ADAMTS9: variants seen among roughly 807,000 people sequenced by gnomAD.
ADAMTS9 encodes ADAM metallopeptidase with thrombospondin type 1 motif 9.
A neutral mutation model predicts 257.1 loss-of-function variants in ADAMTS9; 107 were observed. The ratio of observed to expected loss-of-function variants is 0.42; its 90% CI spans 0.36 to 0.49. The LOEUF is 0.49. ADAMTS9 is among the 20% of genes least tolerant of loss of function. The probability of loss-of-function intolerance (pLI) is 0.03; values close to 1 mark genes in which losing one functional copy is unlikely to be tolerated. For missense variants in ADAMTS9, 2,353 were observed against 2,469.1 expected (o/e 0.95, Z 1.00); for synonymous variants, 982 against 880.9 (o/e 1.11, Z -2.03).
At chr3:64,630,294 T>C (rs1700335709) in intron 16 of ADAMTS9, among the ~76,000 whole-genome samples, 1 of 152,230 alleles carries the variant, frequency 6.6e-6, no homozygotes, top group Non-Finnish European at 1.5e-5. Context: ...CTGGGCATGG[T>C]GGCTCATGCC....
Position 64,580,442 on chromosome 3 carries a change from C to G in ADAMTS9, c.4357-11907G>C, listed in dbSNP as rs1005259509. 1.1e-4 allele frequency among the ~76,000 whole-genome samples: 17 copies of G among 152,174 alleles called. No homozygotes were observed. The South Asian group carries it at 1.2e-3, about 11-fold the overall frequency. The stretch of plus-strand genomic sequence containing the variant: ...GCAAACTCTCTACAGCCAGTCCCCA[C>G]GAAGTCTAACTCTTATGGAGAGTAC... On this transcript the variant is annotated intron_variant, in intron 28 of 39. Transcript: ENST00000498707.
intron 30 of ADAMTS9, among the ~76,000 whole-genome samples, chr3:64,554,521 G>A (rs769119349): frequency 7.9e-5 from 12 of 151,956 alleles, no homozygotes; most frequent in African/African-American, 1.2e-4. Context: ...AACCCTCTAC[G>A]ATTTATGACT....
In ADAMTS9 at chr3:64,647,968, G is replaced by A. The variant is rs1248799480; in HGVS notation, c.1682C>T (p.Ala561Val). ...KGCRTQHTPW[A>V]DGTECEPGKH... is the part of the protein sequence containing the mutation. ...TCCAGGCTCGCACTCCGTCCCATCG[G>A]CCCAGGGTGTGTGCTGAGTCCGGCA... is the stretch of plus-strand genomic sequence containing the variant. Residue 561 changes from alanine (A) to valine (V), a missense_variant, in exon 11 of 40, where the codon GCC becomes GTC. By Grantham distance (64) the Ala-to-Val change is moderately conservative. This residue lies in a region of ADAMTS9 where 360 missense variants were observed against 458.1 expected (regional missense o/e 0.79). Coordinates refer to ENST00000498707, the MANE Select transcript of ADAMTS9 (RefSeq NM_182920.2). 6.2e-6 allele frequency: 10 copies of A among 1,613,852 alleles called. No homozygotes were observed. The highest frequency in any genetic ancestry group is 8.5e-6 in the Non-Finnish European group (10 of 1,179,998).
intron 9 of ADAMTS9, 185 bp from the exon 10 acceptor site, chr3:64,649,963 T>C: frequency 1.4e-6 from 1 of 690,338 alleles, no homozygotes; most frequent in Non-Finnish European, 2.3e-6. Flanking sequence ...CTGTTTACTT[T>C]GTAGAACCAC....
chr3:64,637,692 C>T (rs1332813114), intron 12 of ADAMTS9, among the ~76,000 whole-genome samples: 1 of 152,184 alleles, frequency 6.6e-6, no homozygotes, highest in East Asian at 1.9e-4. Flanking sequence ...TCTAAAGATA[C>T]AACAGGCAGC....
intron 19 of ADAMTS9, among the ~76,000 whole-genome samples, chr3:64,617,097 C>A (rs1699964919): frequency 6.6e-6 from 1 of 152,114 alleles, no homozygotes. Flanking sequence ...TTGTTCTAAC[C>A]CGGAACATGT....
At chr3:64,589,641 C>A (rs2084222439) in intron 28 of ADAMTS9, 1 of 152,132 alleles carries the variant, frequency 6.6e-6, no homozygotes, top group Non-Finnish European at 1.5e-5. Flanking sequence ...TAAAAATAAA[C>A]CCTAACTCAT....
intron 18 of ADAMTS9, 41 bp downstream of exon 18, chr3:64,622,157 A>T: frequency 1.9e-6 from 3 of 1,558,762 alleles, no homozygotes; most frequent in Non-Finnish European, 1.7e-6. Flanking sequence ...TAAATAAAAT[A>T]AACTTCTCAA....
At chr3:64,651,794 T>C (rs1029714557) in intron 8 of ADAMTS9, among the ~76,000 whole-genome samples, 10 of 152,082 alleles carry the variant, frequency 6.6e-5, no homozygotes, top group Non-Finnish European at 7.4e-5. Flanking sequence ...AGATGGCAAA[T>C]AGTTTCATGC....
chr3:64,662,337 T>C (rs927062606), intron 3 of ADAMTS9, among the ~76,000 whole-genome samples: 1 of 152,158 alleles, frequency 6.6e-6, no homozygotes, highest in African/African-American at 2.4e-5. Flanking sequence ...ATCTGGTGTG[T>C]GCTGGAGAAT....
chr3:64,651,921 A>G (rs1039155390), intron 8 of ADAMTS9, among the ~76,000 whole-genome samples: 41 of 152,332 alleles, frequency 2.7e-4, no homozygotes, highest in African/African-American at 9.4e-4. Context: ...CAACGTCCTT[A>G]TGGGCCTGGA....
In ADAMTS9 at chr3:64,621,277, T is replaced by A. The variant is rs763283743; in HGVS notation, c.2687-37A>T. ...GGGAAAAAAAATTATTCAGGGAAAA[T>A]AATCTATTCCATAAACTATTTAGAC... On this transcript the variant is annotated intron_variant, in intron 18 of 39. Coordinates refer to ENST00000498707, the MANE Select transcript of ADAMTS9 (RefSeq NM_182920.2). 12 of 1,586,308 alleles carry A rather than the reference T, an allele frequency of 7.6e-6. No individual in the cohort carries two copies. In the African/African-American group the frequency reaches 1.3e-4, roughly 18 times the overall value.
At chr3:64,605,550 A>G (rs1480761179) in intron 23 of ADAMTS9, among the ~76,000 whole-genome samples, 1 of 152,214 alleles carries the variant, frequency 6.6e-6, no homozygotes, top group Non-Finnish European at 1.5e-5. Flanking sequence ...CATCAGCCAC[A>G]TGGGGCTTCA....
In ADAMTS9 at chr3:64,532,402, C is replaced by T. The variant is rs547707704; in HGVS notation, c.5718+764G>A. Among the ~76,000 whole-genome samples, 8 of 152,242 alleles carry T rather than the reference C, an allele frequency of 5.3e-5. No individual in the cohort carries two copies. The East Asian group carries it at 5.8e-4, about 11-fold the overall frequency. On this transcript the variant is annotated intron_variant, in intron 38 of 39. Coordinates refer to ENST00000498707, the MANE Select transcript of ADAMTS9 (RefSeq NM_182920.2). ...ATACTGTACTTAGTGAAAAACAGAACGGCTGTATCGGTACCTGAAGTAGGG... is the reference window on the plus strand; with the variant it reads ...ATACTGTACTTAGTGAAAAACAGAATGGCTGTATCGGTACCTGAAGTAGGG...
chr3:64,535,180 C>T (rs1353470056), intron 37 of ADAMTS9, among the ~76,000 whole-genome samples: 1 of 152,048 alleles, frequency 6.6e-6, no homozygotes, highest in Non-Finnish European at 1.5e-5. Context: ...GAGTTCAAGA[C>T]CAGCCTGGCC....
chr3:64,631,846 CA>C lies in ADAMTS9; in HGVS notation c.2254del (p.Cys752AlafsTer45). 1 of 1,613,956 alleles carries C rather than the reference CA, an allele frequency of 6.2e-7. No homozygotes were observed. Among genetic ancestry groups the C allele is most frequent in the Non-Finnish European group, 8.5e-7 (1 of 1,179,916 alleles). On this transcript the variant is annotated frameshift_variant, in exon 15 of 40. Coordinates refer to ENST00000498707, the MANE Select transcript of ADAMTS9 (RefSeq NM_182920.2). LOFTEE classifies it high-confidence loss of function. ...CGVCGGDNSS[C>X]KTVAGTFNTV... ...ATTAAATGTTCCTGCCACTGTTTTG[CA>C]TGAAGAATTATCGCCACCACAAACC...
At chr3:64,517,416 G>GTTTTT (rs755480110) in intron 39 of ADAMTS9, among the ~76,000 whole-genome samples, 8,590 of 52,122 alleles carry the variant, frequency 0.16, 2,408 homozygotes, top group East Asian at 0.24. Context: ...ATTAAAAATG[G>GTTTTT]TTTTTTTTTT....
intron 3 of ADAMTS9, among the ~76,000 whole-genome samples, chr3:64,670,157 GCTCT>G (rs1701451944): frequency 6.6e-6 from 1 of 151,918 alleles, no homozygotes; most frequent in Non-Finnish European, 1.5e-5. Context: ...TGTCCCTCTG[GCTCT>G]CTCTTTCTCT....
intron 19 of ADAMTS9, among the ~76,000 whole-genome samples, chr3:64,620,860 G>T (rs1700086176): frequency 6.6e-6 from 1 of 152,122 alleles, no homozygotes; most frequent in Non-Finnish European, 1.5e-5. Context: ...AAGTTGTGAG[G>T]ATCAACTGAA....
Sources: allele counts gnomAD v4.1 joint callset (sites outside exome capture counted in the v4.1 genomes callset), GRCh38; gene constraint gnomAD v4.1.1; regional missense constraint gnomAD v4.1.1; transcripts MANE v1.5; gene names NCBI Gene and HGNC (gene_info 2026-07-23, HGNC 2026-07-21).